The following CDH12 variants were observed in gnomAD, a reference collection of about 807,000 sequenced individuals.
CDH12 encodes the protein cadherin 12, also known as cadherin-12.
A neutral mutation model predicts 74.1 loss-of-function variants in CDH12; 41 were observed. That is an observed-to-expected ratio of 0.55 (90% CI 0.43 to 0.72). The LOEUF (loss-of-function observed/expected upper bound fraction) is 0.72. Among genes scored for constraint, CDH12 ranks in the 30% least tolerant of loss-of-function variants. The probability of loss-of-function intolerance (pLI) is 0.00; values close to 1 mark genes in which losing one functional copy is unlikely to be tolerated. For missense variants in CDH12, 945 were observed against 977.2 expected (o/e 0.97, Z 0.44); for synonymous variants, 399 against 355.0 (o/e 1.12, Z -1.39).
At chr5:21,863,925 T>C (rs1035339091) in intron 6 of CDH12, among the ~76,000 whole-genome samples, 6 of 152,194 alleles carry the variant, frequency 3.9e-5, no homozygotes, top group Non-Finnish European at 5.9e-5. Context: ...TGTATATACA[T>C]TGCATTATGA....
chr5:22,046,596 T>G (rs1040675530), intron 5 of CDH12, among the ~76,000 whole-genome samples: 2 of 152,076 alleles, frequency 1.3e-5, no homozygotes, highest in Admixed American at 6.5e-5. Context: ...TTTCTTAATC[T>G]ATAATGTGAA....
intron 1 of CDH12, among the ~76,000 whole-genome samples, chr5:22,703,776 A>C (rs1048429682): frequency 1.3e-5 from 2 of 152,312 alleles, no homozygotes; most frequent in African/African-American, 4.8e-5. Context: ...AAAGACAATA[A>C]AACTTTAAAT....
chr5:22,677,226 G>C (rs1394359461), intron 1 of CDH12, among the ~76,000 whole-genome samples: 2 of 152,080 alleles, frequency 1.3e-5, no homozygotes, highest in Non-Finnish European at 2.9e-5. Flanking sequence ...TCTGTCTCAA[G>C]GTAAGTGCCT....
intron 4 of CDH12, among the ~76,000 whole-genome samples, chr5:22,183,287 A>G (rs1309918044): frequency 6.6e-6 from 1 of 152,058 alleles, no homozygotes; most frequent in Non-Finnish European, 1.5e-5. Context: ...ATTGCTTATA[A>G]TATTTGGTGA....
At chr5:22,137,075 C>A (rs886681775) in intron 4 of CDH12, among the ~76,000 whole-genome samples, 1 of 151,494 alleles carries the variant, frequency 6.6e-6, no homozygotes, top group Admixed American at 6.6e-5. Flanking sequence ...CTATGAAATT[C>A]TTTAATCTGG....
In CDH12 at chr5:22,016,897, G is replaced by A. The variant is rs77085780; in HGVS notation, c.232-41512C>T. ...TTCCTTCAATAACTGGGGATATTGA[G>A]ACTACATTTATTGATCTTGTTTAAT... On this transcript the variant is annotated intron_variant, in intron 5 of 14. Transcript: ENST00000382254. Among the ~76,000 whole-genome samples, 564 of 152,142 alleles carry A rather than the reference G, an allele frequency of 3.7e-3. 4 individuals are homozygous for A. Among genetic ancestry groups the A allele is most frequent in the African/African-American group, 0.013 (544 of 41,460 alleles).
At chr5:22,666,427 C>T (rs536940223) in intron 1 of CDH12, among the ~76,000 whole-genome samples, 8 of 150,936 alleles carry the variant, frequency 5.3e-5, no homozygotes, top group Admixed American at 3.3e-4. Context: ...GTAGCTGGGA[C>T]TACAGGCGCC....
intron 2 of CDH12, among the ~76,000 whole-genome samples, chr5:22,465,063 A>C (rs1356784785): frequency 6.9e-6 from 1 of 144,122 alleles, no homozygotes. Flanking sequence ...GGAGGGGGGG[A>C]AAGAGAGAGA....
At chr5:22,231,490 C>T (rs868339740) in intron 3 of CDH12, among the ~76,000 whole-genome samples, 2 of 151,662 alleles carry the variant, frequency 1.3e-5, no homozygotes, top group South Asian at 2.1e-4. Flanking sequence ...TATATGGTAC[C>T]ATTAAAGTAG....
intron 6 of CDH12, among the ~76,000 whole-genome samples, chr5:21,911,480 TTTTA>T (rs1753856577): frequency 6.6e-6 from 1 of 152,082 alleles, no homozygotes; most frequent in African/African-American, 2.4e-5. Flanking sequence ...TGATAATGGT[TTTTA>T]TTTACTATTA....
chr5:22,606,808 G>T (rs573648641), intron 1 of CDH12, among the ~76,000 whole-genome samples: 2 of 152,272 alleles, frequency 1.3e-5, no homozygotes, highest in African/African-American at 4.8e-5. Flanking sequence ...GGTAGAATTT[G>T]GAACAGTTTG....
intron 10 of CDH12, among the ~76,000 whole-genome samples, chr5:21,783,981 A>G (rs1429370170): frequency 6.6e-6 from 1 of 152,170 alleles, no homozygotes; most frequent in African/African-American, 2.4e-5. Flanking sequence ...ACAATTTGGT[A>G]ATTATACAAA....
chr5:22,456,517 GTA>G (rs1745281352), intron 2 of CDH12, among the ~76,000 whole-genome samples: 1 of 151,996 alleles, frequency 6.6e-6, no homozygotes, highest in Admixed American at 6.6e-5. Context: ...AAATTATGAT[GTA>G]TTATGTGATC....
chr5:21,933,307 C>T (rs1754928124), intron 6 of CDH12, among the ~76,000 whole-genome samples: 1 of 151,974 alleles, frequency 6.6e-6, no homozygotes, highest in Admixed American at 6.6e-5. Flanking sequence ...GACTAATAGG[C>T]TGTATATCCT....
At chr5:22,838,550 T>C (rs1736934366) in intron 1 of CDH12, among the ~76,000 whole-genome samples, 1 of 152,118 alleles carries the variant, frequency 6.6e-6, no homozygotes, top group Admixed American at 6.6e-5. Flanking sequence ...GTTAATTTTA[T>C]TAATATTGAA....
At chr5:22,086,637 G>A (rs1000704263) in intron 4 of CDH12, among the ~76,000 whole-genome samples, 1 of 151,902 alleles carries the variant, frequency 6.6e-6, no homozygotes, top group Non-Finnish European at 1.5e-5. Context: ...GATTACAGGC[G>A]TGAGCCACCG....
chr5:22,692,510 G>A (rs540450735), intron 1 of CDH12, among the ~76,000 whole-genome samples: 70 of 151,458 alleles, frequency 4.6e-4, no homozygotes, highest in African/African-American at 1.5e-3. Context: ...ATATATTAAA[G>A]AGGGGAAAAA....
At position 22,039,937 on chromosome 5, in the gene CDH12, G is replaced by A. The variant is rs188883289; in HGVS notation, c.231+38509C>T. On this transcript the variant is annotated intron_variant, in intron 5 of 14. Transcript: ENST00000382254. The stretch of plus-strand genomic sequence containing the variant: ...AAGCAAGGAAATATGGCACCACCAA[G>A]AGAACACAAGAACCCTCCAGTAATA... Among the ~76,000 whole-genome samples, 722 of 152,026 alleles carry A rather than the reference G, an allele frequency of 4.7e-3. 5 individuals carry two copies. The highest frequency in any genetic ancestry group is 8.2e-3 in the Non-Finnish European group (558 of 67,992).
chr5:21,829,875 T>C (rs987035858), intron 8 of CDH12, among the ~76,000 whole-genome samples: 2 of 152,066 alleles, frequency 1.3e-5, no homozygotes, highest in Admixed American at 6.6e-5. Flanking sequence ...CCAAACCTCA[T>C]TGATCACTTC....
Sources: allele counts gnomAD v4.1 joint callset (sites outside exome capture counted in the v4.1 genomes callset), GRCh38; gene constraint gnomAD v4.1.1; transcripts MANE v1.5; gene names NCBI Gene and HGNC (gene_info 2026-07-23, HGNC 2026-07-21).